Variants in ZC2HC1A observed in about 807,000 individuals in gnomAD.
ZC2HC1A encodes zinc finger C2HC-type containing 1A.
ZC2HC1A carries 28 observed loss-of-function variants against 40.7 expected under a neutral mutation model. The observed-to-expected ratio is 0.69, with a 90% CI of 0.51 to 0.94. The LOEUF (loss-of-function observed/expected upper bound fraction) is 0.94, where lower values mean the gene tolerates loss of function less well. Among genes scored for constraint, ZC2HC1A ranks in the 40% least tolerant of loss-of-function variants. The pLI is 0.00. For synonymous variants in ZC2HC1A, 129 were observed against 129.2 expected (o/e 1.00, Z 0.01); for missense variants, 389 against 386.3 (o/e 1.01, Z -0.06).
Position 78,707,258 on chromosome 8 carries a change from C to G in ZC2HC1A, c.705-7963C>G, listed in dbSNP as rs549375997. ...GATATTTTTCAGTATTTCTATAGTA[C>G]TGGCAATTTTATCAGTTGGCAATAT... On this transcript the variant is annotated intron_variant, in intron 7 of 8. Transcript: ENST00000263849. 3.0e-4 allele frequency among the ~76,000 whole-genome samples: 45 copies of G among 152,298 alleles called. 1 individual carries two copies. In the South Asian group the frequency reaches 8.1e-3, roughly 27 times the overall value.
chr8:78,715,279 G>A lies in ZC2HC1A; in HGVS notation c.763G>A (p.Gly255Ser). 1 of 1,613,802 alleles carries A rather than the reference G, an allele frequency of 6.2e-7. No individual in the cohort carries two copies. ...TAGTTTGGCAAGAAATCCTGCCCCA[G>A]GTGTGCTTACAAACAAAAGAAAAAC... ...PPSLARNPAP[G>S]VLTNKRKTYT... The change falls in exon 8 of 9, where the codon GGT becomes AGT. Residue 255 changes from glycine to serine, a missense_variant. Gly to Ser is a moderately conservative substitution (Grantham distance 56). Transcript: ENST00000263849.
intron 3 of ZC2HC1A, among the ~76,000 whole-genome samples, chr8:78,684,233 AC>A (rs1198656369): frequency 6.6e-6 from 1 of 152,224 alleles, no homozygotes; most frequent in African/African-American, 2.4e-5. Context: ...AATACCTGAG[AC>A]TAGGCAATTT....
intron 7 of ZC2HC1A, among the ~76,000 whole-genome samples, chr8:78,705,394 G>A (rs1810740203): frequency 6.6e-6 from 1 of 152,160 alleles, no homozygotes; most frequent in Non-Finnish European, 1.5e-5. Context: ...TTCAGTAGCT[G>A]GAGGTGTCAC....
intron 5 of ZC2HC1A, among the ~76,000 whole-genome samples, chr8:78,693,767 T>C (rs186800558): frequency 6.6e-6 from 1 of 152,356 alleles, no homozygotes; most frequent in Non-Finnish European, 1.5e-5. Flanking sequence ...TTGGCTTTTG[T>C]TGCCATTGCT....
intron 7 of ZC2HC1A, among the ~76,000 whole-genome samples, chr8:78,704,080 T>A (rs771278522): frequency 3.3e-5 from 5 of 152,130 alleles, no homozygotes; most frequent in Non-Finnish European, 5.9e-5. Context: ...GAGTTGGAAT[T>A]TCTTTTCTTT....
At chr8:78,671,133 A>C (rs917857923) in intron 1 of ZC2HC1A, among the ~76,000 whole-genome samples, 1 of 152,198 alleles carries the variant, frequency 6.6e-6, no homozygotes, top group South Asian at 2.1e-4. Context: ...GTTCTCTCAT[A>C]GTTCTTAAAT....
chr8:78,713,189 G>C (rs529195926), intron 7 of ZC2HC1A, among the ~76,000 whole-genome samples: 56 of 152,212 alleles, frequency 3.7e-4, no homozygotes, highest in Non-Finnish European at 6.5e-4. Context: ...TAAGAGTAAT[G>C]CTTTGCAGAT....
intron 5 of ZC2HC1A, among the ~76,000 whole-genome samples, chr8:78,697,165 G>GTA (rs772338238): frequency 1.3e-5 from 2 of 152,042 alleles, no homozygotes; most frequent in Admixed American, 6.6e-5. Context: ...TTTTACTGTG[G>GTA]TATAATACAT....
At chr8:78,686,026 C>T (rs966062114) in intron 3 of ZC2HC1A, 6 of 152,372 alleles carry the variant, frequency 3.9e-5, no homozygotes, top group Admixed American at 3.3e-4. Flanking sequence ...TTATCAGGAA[C>T]CCACTCCCTC....
In ZC2HC1A at chr8:78,678,260, T is replaced by G. The variant is rs987447276; in HGVS notation, c.94-303T>G. On this transcript the variant is annotated intron_variant, in intron 2 of 8. Transcript: ENST00000263849. ...CCTGTTTAAGATGGAGTTGTTCTCTTTCACACACTTCTGACATTAGTAATG... is the reference window on the plus strand; with the variant it reads ...CCTGTTTAAGATGGAGTTGTTCTCTGTCACACACTTCTGACATTAGTAATG... Among the ~76,000 whole-genome samples the G allele has an allele frequency of 4.6e-5, 7 of 152,140 alleles. 1 individual carries two copies. The highest frequency in any genetic ancestry group is 1.7e-4 in the African/African-American group (7 of 41,446).
chr8:78,699,749 T>C (rs1449311198), intron 7 of ZC2HC1A, among the ~76,000 whole-genome samples: 1 of 152,156 alleles, frequency 6.6e-6, no homozygotes, highest in Non-Finnish European at 1.5e-5. Context: ...GTTAGTTTCC[T>C]AAGGATAATG....
chr8:78,693,723 G>T (rs957261136), intron 5 of ZC2HC1A, among the ~76,000 whole-genome samples: 4 of 152,132 alleles, frequency 2.6e-5, no homozygotes, highest in Non-Finnish European at 4.4e-5. Context: ...CTGTGCAGAA[G>T]CTCTTTAGTT....
chr8:78,692,783 C>A (rs1000981612), intron 5 of ZC2HC1A, among the ~76,000 whole-genome samples: 1 of 152,006 alleles, frequency 6.6e-6, no homozygotes, highest in Non-Finnish European at 1.5e-5. Flanking sequence ...ACACAACGTG[C>A]AGGTTTGTTA....
chr8:78,690,547 A>G (rs1365715483), intron 5 of ZC2HC1A, among the ~76,000 whole-genome samples: 2 of 151,026 alleles, frequency 1.3e-5, no homozygotes, highest in African/African-American at 2.5e-5. Flanking sequence ...GCGACAGAGC[A>G]AGAGACTGTC....
chr8:78,696,017 T>C lies in ZC2HC1A; in HGVS notation c.505-1390T>C, dbSNP rs183492049. ...TAAAATATGATTTGATTTTTGAAAA[T>C]GATAATTTAAAACCAATTTTTCTTT... On this transcript the variant is annotated intron_variant, in intron 5 of 8. Transcript: ENST00000263849. 1.7e-3 allele frequency among the ~76,000 whole-genome samples: 265 copies of C among 152,196 alleles called. 1 individual carries two copies. The highest frequency in any genetic ancestry group is 5.8e-3 in the African/African-American group (243 of 41,546).
intron 6 of ZC2HC1A, among the ~76,000 whole-genome samples, chr8:78,698,088 T>C (rs979550246): frequency 3.9e-5 from 6 of 152,212 alleles, no homozygotes; most frequent in Non-Finnish European, 8.8e-5. Context: ...TGATCCAGCA[T>C]TTTCCTCTCA....
chr8:78,698,596 C>T (rs901804702), intron 7 of ZC2HC1A, 83 bp downstream of exon 7: 1 of 994,548 alleles, frequency 1.0e-6, no homozygotes, highest in African/African-American at 1.7e-5. Context: ...ATTGCTTTTT[C>T]ATTCATCTTC....
chr8:78,717,405 C>G lies in ZC2HC1A; in HGVS notation c.890C>G (p.Pro297Arg), dbSNP rs1489781720. ...GAAGGACATTCACCTGGAAACTTAC[C>G]AAAATTCTGCCATGAGTGTGGGACT... The part of the protein sequence containing the change: ...GIEGHSPGNL[P>R]KFCHECGTKY... Residue 297 changes from proline (P) to arginine (R), a missense_variant, in exon 9 of 9, where the codon CCA becomes CGA. Coordinates refer to ENST00000263849, the MANE Select transcript of ZC2HC1A (RefSeq NM_016010.3). 2 of 1,612,020 alleles carry G rather than the reference C, an allele frequency of 1.2e-6. No homozygotes were observed. The highest frequency in any genetic ancestry group is 1.3e-5 in the African/African-American group (1 of 74,558).
chr8:78,685,631 G>T (rs1349226912), intron 3 of ZC2HC1A, among the ~76,000 whole-genome samples: 1 of 152,100 alleles, frequency 6.6e-6, no homozygotes, highest in Non-Finnish European at 1.5e-5. Context: ...CCACAGTAAA[G>T]ACAATACATT....
Sources: gnomAD v4.1 joint callset for allele counts (sites outside exome capture counted in the v4.1 genomes callset) on GRCh38, gnomAD v4.1.1 for gene constraint, MANE v1.5 for transcripts, NCBI Gene and HGNC (gene_info 2026-07-23, HGNC 2026-07-21) for gene names.